Variants in PDE7B observed in about 807,000 individuals in gnomAD.
The protein encoded by PDE7B is 3',5'-cyclic-AMP phosphodiesterase 7B.
A neutral mutation model predicts 56.2 loss-of-function variants in PDE7B; 29 were observed. That is an observed-to-expected ratio of 0.52 (90% CI 0.38 to 0.70). The LOEUF is 0.70. Among genes scored for constraint, PDE7B ranks in the 30% least tolerant of loss-of-function variants. PDE7B has a pLI of 0.00. For missense variants in PDE7B, 490 were observed against 565.0 expected (o/e 0.87, Z 1.35); for synonymous variants, 197 against 196.9 (o/e 1.00, Z 0.00).
intron 11 of PDE7B, among the ~76,000 whole-genome samples, chr6:136,186,354 G>A (rs1298575297): frequency 1.3e-5 from 2 of 152,108 alleles, no homozygotes; most frequent in South Asian, 2.1e-4. Flanking sequence ...TTTGAGCCTA[G>A]GAGTTTGAGG....
intron 2 of PDE7B, among the ~76,000 whole-genome samples, chr6:136,090,758 A>T (rs966847404): frequency 6.6e-6 from 1 of 152,126 alleles, no homozygotes; most frequent in Non-Finnish European, 1.5e-5. Flanking sequence ...TTCACCACAG[A>T]TGCCCTAACC....
At chr6:136,060,252 G>A (rs944332792) in intron 2 of PDE7B, among the ~76,000 whole-genome samples, 1 of 152,140 alleles carries the variant, frequency 6.6e-6, no homozygotes, top group Non-Finnish European at 1.5e-5. Flanking sequence ...CCCTGTTCCT[G>A]ACCTTATGGG....
At chr6:136,062,415 C>A (rs1372879633) in intron 2 of PDE7B, among the ~76,000 whole-genome samples, 2 of 152,054 alleles carry the variant, frequency 1.3e-5, no homozygotes, top group Non-Finnish European at 2.9e-5. Flanking sequence ...TAGAGAATTC[C>A]AAGTATAGAA....
In PDE7B at chr6:136,192,487, G is replaced by A. The variant is rs1779246930; in HGVS notation, c.*647G>A. 6.6e-6 allele frequency: 1 copy of A among 152,442 alleles called. No individual in the cohort carries two copies. Among genetic ancestry groups the A allele is most frequent in the African/African-American group, 2.4e-5 (1 of 41,434 alleles). The allele number at this position is 152,442 out of a possible 1,614,324, so 9.4% of individuals were successfully genotyped here. ...GACTTTATTATGCCACTTTGGGGCA[G>A]AGACTTGGCATCTTCGCAGTTTAAG... On this transcript the variant is annotated 3_prime_UTR_variant, in exon 13 of 13. Transcript: ENST00000308191.
intron 2 of PDE7B, among the ~76,000 whole-genome samples, chr6:135,995,336 T>C (rs1775545968): frequency 6.6e-6 from 1 of 152,114 alleles, no homozygotes; most frequent in African/African-American, 2.4e-5. Flanking sequence ...TCAATAGAAA[T>C]GTGTCTGAAT....
intron 2 of PDE7B, among the ~76,000 whole-genome samples, chr6:136,092,218 A>G (rs1202337690): frequency 1.3e-5 from 2 of 152,338 alleles, no homozygotes; most frequent in African/African-American, 4.8e-5. Flanking sequence ...TTCAGTATAT[A>G]TGTAATAGTT....
At chr6:135,962,616 G>A (rs1237196984) in intron 2 of PDE7B, among the ~76,000 whole-genome samples, 1 of 152,044 alleles carries the variant, frequency 6.6e-6, no homozygotes, top group East Asian at 1.9e-4. Flanking sequence ...TTGTTTGTTT[G>A]CATTACTAAA....
intron 2 of PDE7B, among the ~76,000 whole-genome samples, chr6:136,028,759 G>GA (rs1158304204): frequency 6.6e-6 from 1 of 152,176 alleles, no homozygotes; most frequent in Non-Finnish European, 1.5e-5. Context: ...GTCTCATCCA[G>GA]ATAATCCAGA....
chr6:136,155,546 T>G, intron 7 of PDE7B, 81 bp from the exon 8 acceptor site: 1 of 1,163,294 alleles, frequency 8.6e-7, no homozygotes, highest in Non-Finnish European at 1.2e-6. Flanking sequence ...TGATGATTCA[T>G]TGTGTTTGAT....
At chr6:135,897,608 A>C (rs751080335) in intron 1 of PDE7B, among the ~76,000 whole-genome samples, 1 of 152,236 alleles carries the variant, frequency 6.6e-6, no homozygotes, top group Non-Finnish European at 1.5e-5. Context: ...AAATTAAACA[A>C]TATAAGGCTA....
intron 8 of PDE7B, chr6:136,156,011 AATC>A: frequency 1.7e-6 from 1 of 583,090 alleles, no homozygotes; most frequent in South Asian, 1.7e-5. Context: ...TGTTTTTTAA[AATC>A]TCTAAAGAGT....
chr6:136,094,910 G>A (rs2128216504), intron 2 of PDE7B: 1 of 152,344 alleles, frequency 6.6e-6, no homozygotes, highest in South Asian at 2.1e-4. Context: ...TGCAAAGGGT[G>A]ATGATACCAG....
intron 1 of PDE7B, among the ~76,000 whole-genome samples, chr6:135,872,797 A>G (rs112809004): frequency 0.019 from 2,957 of 152,210 alleles, 42 homozygotes; most frequent in Middle Eastern, 0.037. Flanking sequence ...ATAAGTTAAT[A>G]TATAATAAAA....
chr6:136,149,733 CTATTATA>C (rs1778480545), intron 5 of PDE7B, among the ~76,000 whole-genome samples: 1 of 152,074 alleles, frequency 6.6e-6, no homozygotes, highest in Non-Finnish European at 1.5e-5. Flanking sequence ...AATAAAAAAC[CTATTATA>C]TTTTTATCTG....
chr6:136,035,270 C>A (rs1394765544), intron 2 of PDE7B: 2 of 152,166 alleles, frequency 1.3e-5, no homozygotes, highest in African/African-American at 4.8e-5. Flanking sequence ...TATAGGTTTA[C>A]AGGCATGTTC....
intron 8 of PDE7B, among the ~76,000 whole-genome samples, chr6:136,158,767 T>G (rs1190665027): frequency 1.3e-5 from 2 of 152,122 alleles, no homozygotes; most frequent in Non-Finnish European, 2.9e-5. Context: ...CTGGAAGCAG[T>G]CCAGGTGTCC....
At chr6:136,167,915 T>TA (rs1162647689) in intron 8 of PDE7B, among the ~76,000 whole-genome samples, 1 of 152,188 alleles carries the variant, frequency 6.6e-6, no homozygotes, top group Non-Finnish European at 1.5e-5. Context: ...GGACTGAGTT[T>TA]AATAGGACAC....
chr6:135,974,910 A>C (rs1358999626), intron 2 of PDE7B, among the ~76,000 whole-genome samples: 3 of 152,102 alleles, frequency 2.0e-5, no homozygotes, highest in African/African-American at 4.8e-5. Context: ...CAAGTCTCCA[A>C]AACTCCTCTC....
chr6:135,973,044 A>C (rs1217955668), intron 2 of PDE7B, among the ~76,000 whole-genome samples: 1 of 152,200 alleles, frequency 6.6e-6, no homozygotes, highest in East Asian at 1.9e-4. Flanking sequence ...ATTATTGACT[A>C]CTGGTGCAAT....
Sources: gnomAD v4.1 joint callset for allele counts (sites outside exome capture counted in the v4.1 genomes callset) on GRCh38, gnomAD v4.1.1 for gene constraint, MANE v1.5 for transcripts, NCBI Gene and HGNC (gene_info 2026-07-23, HGNC 2026-07-21) for gene names.